The following CRMP1 variants were observed in gnomAD, a reference collection of about 807,000 sequenced individuals.
CRMP1 encodes collapsin response mediator protein 1.
CRMP1 carries 19 observed loss-of-function variants against 68.3 expected under a neutral mutation model. The observed-to-expected ratio is 0.28, with a 90% CI of 0.19 to 0.41. The LOEUF (loss-of-function observed/expected upper bound fraction) is 0.41. Ranked by LOEUF, CRMP1 falls within the 10% of genes least tolerant of loss-of-function variation. The pLI, the probability that CRMP1 is intolerant of heterozygous loss-of-function variation, is 1.00. For missense variants in CRMP1, 791 were observed against 967.4 expected, an observed-to-expected ratio of 0.82 and a Z score of 2.42; for synonymous variants, 439 against 399.6, an observed-to-expected ratio of 1.10 and a Z score of -1.18.
At chr4:5,851,535 A>T in intron 4 of CRMP1, 66 bp from the exon 5 acceptor site, 1 of 1,480,934 alleles carries the variant, frequency 6.8e-7, no homozygotes, top group South Asian at 1.1e-5. Context: ...CTTTCCAATA[A>T]ATCAATGACC....
intron 12 of CRMP1, among the ~76,000 whole-genome samples, chr4:5,827,401 T>C (rs1338387765): frequency 6.6e-6 from 1 of 152,176 alleles, no homozygotes; most frequent in Non-Finnish European, 1.5e-5. Flanking sequence ...TCTGTGCGAC[T>C]TGGTGTCTTT....
At chr4:5,887,358 C>A (rs1029338702) in intron 1 of CRMP1, 1 of 985,648 alleles carries the variant, frequency 1.0e-6, no homozygotes, top group Non-Finnish European at 1.2e-6. Context: ...CCCAGAATCC[C>A]GCCTCCCGGC....
In CRMP1 at chr4:5,825,081, C is replaced by T. The variant is rs964553398; in HGVS notation, c.1969+413G>A. ...TCATGGGTTATGAAAGTGCTTAGTACACTGCAGTGGGTGAACAGGCTAAAG... is the reference window on the plus strand; with the variant it reads ...TCATGGGTTATGAAAGTGCTTAGTATACTGCAGTGGGTGAACAGGCTAAAG... On this transcript the variant is annotated intron_variant, in intron 13 of 13. Coordinates refer to ENST00000324989, the MANE Select transcript of CRMP1 (RefSeq NM_001014809.3). This position sits in a 1 kb window ranked among gnomAD's most constrained non-coding sequence, Gnocchi z 4.4. The T allele has an allele frequency of 3.0e-6, 3 of 985,254 alleles. No individual in the cohort carries two copies. Among genetic ancestry groups the T allele is most frequent in the Admixed American group, 6.1e-5 (1 of 16,262 alleles). The allele number at this position is 985,254 out of a possible 1,614,324, so 61.0% of individuals were successfully genotyped here.
At chr4:5,833,646 T>C (rs949140335) in intron 11 of CRMP1, among the ~76,000 whole-genome samples, 5 of 152,192 alleles carry the variant, frequency 3.3e-5, no homozygotes, top group Admixed American at 6.5e-5. Flanking sequence ...GCATGGAGAA[T>C]GCTAAGCACG....
At chr4:5,882,103 G>T (rs905364527) in intron 1 of CRMP1, among the ~76,000 whole-genome samples, 1 of 152,134 alleles carries the variant, frequency 6.6e-6, no homozygotes, top group African/African-American at 2.4e-5. Flanking sequence ...TTACATGTCA[G>T]AACTTTCACA....
At chr4:5,856,987 T>C (rs1445360242) in intron 3 of CRMP1, among the ~76,000 whole-genome samples, 12 of 125,702 alleles carry the variant, frequency 9.5e-5, no homozygotes, top group African/African-American at 3.9e-4. Flanking sequence ...CATCCACTGT[T>C]ATCACCACCA....
At position 5,883,462 on chromosome 4, in the gene CRMP1, G is replaced by C. The variant is rs999006408; in HGVS notation, c.381+9127C>G. ...ATTACAGGTGCCCGCCACCATGCCT[G>C]GCTAATTTTTGTATTTTTAGTAGAG... On this transcript the variant is annotated intron_variant, in intron 1 of 13. Transcript: ENST00000324989. The surrounding 1 kb of genome is among the most constrained non-coding windows in gnomAD (Gnocchi z 4.5). Among the ~76,000 whole-genome samples, 10 of 152,110 alleles carry C rather than the reference G, an allele frequency of 6.6e-5. No individual in the cohort carries two copies. Among genetic ancestry groups the C allele is most frequent in the African/African-American group, 2.4e-4 (10 of 41,524 alleles).
Position 5,825,831 on chromosome 4 carries a change from G to A in CRMP1, c.1804-172C>T, listed in dbSNP as rs911849394. ...AGGTGCACTTCACACACATGCAGCCGCACACAGGCATTCATACACACAAGC... is the reference window on the plus strand; with the variant it reads ...AGGTGCACTTCACACACATGCAGCCACACACAGGCATTCATACACACAAGC... On this transcript the variant is annotated intron_variant, in intron 12 of 13. Coordinates refer to ENST00000324989, the MANE Select transcript of CRMP1 (RefSeq NM_001014809.3). This position sits in a 1 kb window ranked among gnomAD's most constrained non-coding sequence, Gnocchi z 4.4. The A allele has an allele frequency of 1.9e-5, 12 of 634,156 alleles. No individual in the cohort carries two copies. Among genetic ancestry groups the A allele is most frequent in the South Asian group, 4.1e-5 (2 of 49,148 alleles). 39.3% of individuals were successfully genotyped at this position (634,156 alleles called of 1,614,324 possible).
In CRMP1 at chr4:5,879,605, A is replaced by G. The variant is rs1203285568; in HGVS notation, c.382-12849T>C. ...TACCTACCTCACAAGATTACTTGAA[A>G]TAATATGTAAAAGCACCCAATACAC... On this transcript the variant is annotated intron_variant, in intron 1 of 13. Transcript: ENST00000324989. The surrounding 1 kb of genome is among the most constrained non-coding windows in gnomAD (Gnocchi z 4.2). Among the ~76,000 whole-genome samples the G allele has an allele frequency of 1.3e-5, 2 of 152,234 alleles. No homozygotes were observed. The highest frequency in any genetic ancestry group is 6.5e-5 in the Admixed American group (1 of 15,286).
Position 5,841,233 on chromosome 4 carries a change from G to T in CRMP1, c.1153+75C>A, listed in dbSNP as rs921997968. On this transcript the variant is annotated intron_variant, in intron 8 of 13. Coordinates refer to ENST00000324989, the MANE Select transcript of CRMP1 (RefSeq NM_001014809.3). This position sits in a 1 kb window ranked among gnomAD's most constrained non-coding sequence, Gnocchi z 6.9. ...CGGCTGCCTGTCTGAGTTCGGGAGG[G>T]AGTGAACTTGAACCTGCAGGACACC... 1 of 1,610,740 alleles carries T rather than the reference G, an allele frequency of 6.2e-7. No individual in the cohort carries two copies. Among genetic ancestry groups the T allele is most frequent in the Non-Finnish European group, 8.5e-7 (1 of 1,177,890 alleles).
At chr4:5,874,154 T>C (rs1714648519) in intron 1 of CRMP1, among the ~76,000 whole-genome samples, 1 of 152,100 alleles carries the variant, frequency 6.6e-6, no homozygotes, top group Non-Finnish European at 1.5e-5. Flanking sequence ...CTCTAGAAAA[T>C]ATCCAAAACA....
intron 1 of CRMP1, among the ~76,000 whole-genome samples, chr4:5,871,226 T>A (rs1297250912): frequency 6.6e-6 from 1 of 152,186 alleles, no homozygotes; most frequent in Non-Finnish European, 1.5e-5. Flanking sequence ...TTCAACCTCT[T>A]CATGTTCTTT....
chr4:5,891,173 C>CAT lies in CRMP1; in HGVS notation c.381+1414_381+1415dup, dbSNP rs1397590137. 1.5e-5 allele frequency among the ~76,000 whole-genome samples: 2 copies of CAT among 133,366 alleles called. No individual in the cohort carries two copies. Among genetic ancestry groups the CAT allele is most frequent in the Non-Finnish European group, 3.2e-5 (2 of 63,346 alleles). The allele number at this position is 133,366 out of a possible 152,430, so 87.5% of individuals were successfully genotyped here. A position where few individuals can be genotyped will look rare whatever the true frequency, so the allele number is the denominator to read the frequency against. ...TCTGATCACCCCACCACCACACACACATACACACACACACACACACACACA... is the reference window on the plus strand; with the variant it reads ...TCTGATCACCCCACCACCACACACACATATACACACACACACACACACACACA... On this transcript the variant is annotated intron_variant, in intron 1 of 13. Coordinates refer to ENST00000324989, the MANE Select transcript of CRMP1 (RefSeq NM_001014809.3). This position sits in a 1 kb window ranked among gnomAD's most constrained non-coding sequence, Gnocchi z 5.2.
At chr4:5,830,388 T>G (rs1048963637) in intron 11 of CRMP1, among the ~76,000 whole-genome samples, 1 of 152,244 alleles carries the variant, frequency 6.6e-6, no homozygotes, top group Non-Finnish European at 1.5e-5. Flanking sequence ...TCTTTACCAT[T>G]TCTAAGTTTT....
In CRMP1 at chr4:5,889,886, G is replaced by C; in HGVS notation, c.381+2703C>G. The C allele has an allele frequency of 1.1e-5, 15 of 1,420,742 alleles. No homozygotes were observed. Among genetic ancestry groups the C allele is most frequent in the Non-Finnish European group, 1.3e-5 (14 of 1,089,774 alleles). 88.0% of individuals were successfully genotyped at this position (1,420,742 alleles called of 1,614,324 possible). ...AGGTTTTAGCTTCACAGAGAAGCCA[G>C]CTCAGTATCCCAGGAACACTAGGCA... On this transcript the variant is annotated intron_variant, in intron 1 of 13. Coordinates refer to ENST00000324989, the MANE Select transcript of CRMP1 (RefSeq NM_001014809.3). The surrounding 1 kb of genome is among the most constrained non-coding windows in gnomAD (Gnocchi z 4.5).
intron 8 of CRMP1, among the ~76,000 whole-genome samples, chr4:5,840,835 T>C (rs1480533276): frequency 6.6e-6 from 1 of 152,172 alleles, no homozygotes; most frequent in Non-Finnish European, 1.5e-5. Context: ...AGCCTCTACT[T>C]GTCAGCTTGC....
intron 6 of CRMP1, among the ~76,000 whole-genome samples, chr4:5,848,431 G>C (rs1712386235): frequency 1.3e-5 from 2 of 152,182 alleles, no homozygotes; most frequent in Non-Finnish European, 2.9e-5. Flanking sequence ...GGCCTCAAGT[G>C]ATCAGCCCAC....
chr4:5,829,627 G>C (rs758971025), intron 11 of CRMP1, among the ~76,000 whole-genome samples: 1 of 152,148 alleles, frequency 6.6e-6, no homozygotes, highest in Non-Finnish European at 1.5e-5. Flanking sequence ...AAGTATGTCC[G>C]AGGCATGAAT....
In CRMP1 at chr4:5,865,920, G is replaced by A. The variant is rs540856412; in HGVS notation, c.470+748C>T. On this transcript the variant is annotated intron_variant, in intron 2 of 13. Transcript: ENST00000324989. This position sits in a 1 kb window ranked among gnomAD's most constrained non-coding sequence, Gnocchi z 4.1. ...TGGTGTCTGCAAGCCAGAAGGTGGT[G>A]TCTGCAAGCCAAGGAAGAACCTCAG... Among the ~76,000 whole-genome samples the A allele has an allele frequency of 2.0e-5, 3 of 152,276 alleles. No homozygotes were observed. The highest frequency in any genetic ancestry group is 2.0e-4 in the Admixed American group (3 of 15,294).
Sources: gnomAD v4.1 joint callset for allele counts (sites outside exome capture counted in the v4.1 genomes callset) on GRCh38, gnomAD v4.1.1 for gene constraint, Gnocchi (gnomAD v3.1) non-coding constraint, MANE v1.5 for transcripts, NCBI Gene and HGNC (gene_info 2026-07-23, HGNC 2026-07-21) for gene names.